Variants in PLEKHA1 observed in about 807,000 individuals in gnomAD.
The protein encoded by PLEKHA1 is pleckstrin homology domain-containing family A member 1.
Under a neutral mutation model 52.0 loss-of-function variants are expected in PLEKHA1, and 34 were observed. The ratio of observed to expected loss-of-function variants is 0.65; its 90% CI spans 0.50 to 0.87. The LOEUF (loss-of-function observed/expected upper bound fraction) is 0.87. Ranked by LOEUF, PLEKHA1 falls within the 40% of genes least tolerant of loss-of-function variation. The probability of loss-of-function intolerance (pLI) is 0.00; values close to 1 mark genes in which losing one functional copy is unlikely to be tolerated. For missense variants in PLEKHA1, 497 were observed against 504.2 expected, an observed-to-expected ratio of 0.99 and a Z score of 0.14; for synonymous variants, 163 against 170.7, an observed-to-expected ratio of 0.95 and a Z score of 0.35.
At chr10:122,442,323 G>T in the PLEKHA1 span, 1 of 149,590 alleles carries the variant, frequency 6.7e-6, no homozygotes. Context: ...TCTTTGTTTT[G>T]TTTAAAAAAA....
chr10:122,390,926 G>A (rs2096766997), intron 1 of PLEKHA1, among the ~76,000 whole-genome samples: 1 of 152,044 alleles, frequency 6.6e-6, no homozygotes, highest in African/African-American at 2.4e-5. Flanking sequence ...ACGTAGGAGG[G>A]TTCCAGTTTC....
chr10:122,405,138 A>G (rs10082476), intron 4 of PLEKHA1, among the ~76,000 whole-genome samples: 30,157 of 152,146 alleles, frequency 0.2, 3,135 homozygotes, highest in Middle Eastern at 0.24. Flanking sequence ...GCTTGATAAA[A>G]GTACCTAGTC....
the PLEKHA1 span, chr10:122,442,406 GAAAAA>G: frequency 6.6e-6 from 1 of 151,130 alleles, no homozygotes; most frequent in Non-Finnish European, 1.5e-5. Flanking sequence ...TAAGCAAAAA[GAAAAA>G]AAATAAAAAT....
chr10:122,411,715 C>T (rs370960320), intron 5 of PLEKHA1: 3 of 152,140 alleles, frequency 2.0e-5, no homozygotes, highest in Non-Finnish European at 2.9e-5. Flanking sequence ...TTTGAGAAAT[C>T]ACACTGCTTT....
chr10:122,375,643 T>G (rs533261060), intron 1 of PLEKHA1, among the ~76,000 whole-genome samples: 1 of 152,288 alleles, frequency 6.6e-6, no homozygotes, highest in East Asian at 1.9e-4. Context: ...CTTATAGTGT[T>G]TACCGCCTTT....
In PLEKHA1 at chr10:122,415,083, A is replaced by G. The variant is rs571118511; in HGVS notation, c.469-776A>G. Among the ~76,000 whole-genome samples the G allele has an allele frequency of 2.1e-4, 32 of 152,290 alleles. No individual in the cohort carries two copies. The South Asian group carries it at 5.6e-3, about 27-fold the overall frequency. ...AATGTCCTTTAATGGGTGAACAGTT[A>G]AACAACTGGTCATCCATCCATACCA... On this transcript the variant is annotated intron_variant, in intron 6 of 11. Coordinates refer to ENST00000368990, the MANE Select transcript of PLEKHA1 (RefSeq NM_001001974.4).
intron 4 of PLEKHA1, among the ~76,000 whole-genome samples, chr10:122,405,295 A>G (rs1479333744): frequency 6.6e-6 from 1 of 152,190 alleles, no homozygotes; most frequent in African/African-American, 2.4e-5. Flanking sequence ...GCATTTATAG[A>G]AAAGATTCAT....
At chr10:122,390,040 C>T (rs1351139357) in intron 1 of PLEKHA1, among the ~76,000 whole-genome samples, 1 of 152,224 alleles carries the variant, frequency 6.6e-6, no homozygotes, top group African/African-American at 2.4e-5. Flanking sequence ...TCAGCTAGAT[C>T]TTCCTGGATA....
At chr10:122,375,931 A>G (rs2096527939) in intron 1 of PLEKHA1, among the ~76,000 whole-genome samples, 7 of 152,294 alleles carry the variant, frequency 4.6e-5, no homozygotes, top group Non-Finnish European at 2.9e-5. Flanking sequence ...TAAATAGAAA[A>G]TCTTATTTCC....
intron 1 of PLEKHA1, among the ~76,000 whole-genome samples, chr10:122,381,058 T>C (rs140626928): frequency 2.6e-5 from 4 of 152,314 alleles, no homozygotes; most frequent in Non-Finnish European, 5.9e-5. Flanking sequence ...TTTAGGTATT[T>C]AGAAAAGTGC....
In PLEKHA1 at chr10:122,415,889, A is replaced by G. The variant is rs985472285; in HGVS notation, c.499A>G (p.Ile167Val). 3 of 1,612,696 alleles carry G rather than the reference A, an allele frequency of 1.9e-6. No homozygotes were observed. Among genetic ancestry groups the G allele is most frequent in the African/African-American group, 2.7e-5 (2 of 75,012 alleles). Reference sequence around the variant, plus strand: ...AGAAGTAAATGAATGTGGTGAAAGTATTGACAGAAATAATCTGAAACGGTC... The same window carrying G: ...AGAAGTAAATGAATGTGGTGAAAGTGTTGACAGAAATAATCTGAAACGGTC... ...KEEVNECGES[I>V]DRNNLKRSQS... The change falls in exon 7 of 12, where the codon ATT (isoleucine) becomes GTT (valine). Residue 167 changes from isoleucine (I) to valine (V), a missense_variant. Transcript: ENST00000368990.
chr10:122,403,483 T>C (rs1475015706), intron 4 of PLEKHA1, among the ~76,000 whole-genome samples: 1 of 152,186 alleles, frequency 6.6e-6, no homozygotes, highest in Non-Finnish European at 1.5e-5. Flanking sequence ...ATCATAAAGA[T>C]TTGAAGTTAA....
At position 122,406,623 on chromosome 10, in the gene PLEKHA1, C is replaced by G. The variant is rs1020564215; in HGVS notation, c.292C>G (p.Gln98Glu). ...RKYFLQANDQ[Q>E]DLVEWVNVLN... ...GTACTTCCTACAAGCCAATGATCAG[C>G]AGGACCTAGTGGAATGGGTAAATGT... Residue 98 changes from glutamine (Q) to glutamate (E), a missense_variant, in exon 5 of 12, where the codon CAG (glutamine) becomes GAG (glutamate). Physicochemically the swap from Gln to Glu is conservative, Grantham distance 29 (BLOSUM62 2). Coordinates refer to ENST00000368990, the MANE Select transcript of PLEKHA1 (RefSeq NM_001001974.4). The G allele has an allele frequency of 1.2e-5, 19 of 1,613,328 alleles. No individual in the cohort carries two copies. Among genetic ancestry groups the G allele is most frequent in the Non-Finnish European group, 1.6e-5 (19 of 1,179,408 alleles).
At chr10:122,428,251 A>G in intron 11 of PLEKHA1, 1 of 1,520,748 alleles carries the variant, frequency 6.6e-7, no homozygotes, top group Non-Finnish European at 8.8e-7. Context: ...GTTAACTCTA[A>G]TCTTAGCTTT....
chr10:122,441,065 G>A, the PLEKHA1 span: 1 of 152,162 alleles, frequency 6.6e-6, no homozygotes, highest in Non-Finnish European at 1.5e-5. Flanking sequence ...CTGAGAACTT[G>A]CTAGAAGTGC....
rs771484933 is a variant in PLEKHA1 at position 122,429,708 on chromosome 10, C to G, written c.985C>G (p.Arg329Gly). The G allele has an allele frequency of 6.2e-6, 10 of 1,614,116 alleles. No homozygotes were observed. The highest frequency in any genetic ancestry group is 7.6e-6 in the Non-Finnish European group (9 of 1,180,026). Residue 329 changes from arginine (R) to glycine (G), a missense_variant, in exon 12 of 12, where the codon CGC becomes GGC. Transcript: ENST00000368990. ...ATATSHSTAS[R>G]SNSLVSTFTM... ...CGCCACCTCACATTCCACAGCCTCT[C>G]GCAGCAACTCTTTGGTCTCAACCTT... is the stretch of plus-strand genomic sequence containing the variant.
downstream of PLEKHA1, chr10:122,434,153 G>A (rs1363702665): frequency 6.6e-6 from 1 of 152,128 alleles, no homozygotes; most frequent in Admixed American, 6.5e-5. Flanking sequence ...TGTTACCATG[G>A]TGTTTGTCCA....
chr10:122,395,718 C>T (rs1000471436), intron 2 of PLEKHA1, among the ~76,000 whole-genome samples: 1 of 151,956 alleles, frequency 6.6e-6, no homozygotes, highest in African/African-American at 2.4e-5. Context: ...ATTAGGAAGC[C>T]ACTTCTTCCC....
the PLEKHA1 span, chr10:122,441,187 C>T: frequency 6.5e-3 from 983 of 152,238 alleles, 11 homozygotes; most frequent in African/African-American, 0.022. Flanking sequence ...AGTTTGAGAT[C>T]GGCTGGGCAT....
Sources: allele counts gnomAD v4.1 joint callset (sites outside exome capture counted in the v4.1 genomes callset), GRCh38; gene constraint gnomAD v4.1.1; transcripts MANE v1.5; gene names NCBI Gene and HGNC (gene_info 2026-07-23, HGNC 2026-07-21).